Variants in KANK3 observed in about 807,000 individuals in gnomAD.
KANK3 encodes the protein KN motif and ankyrin repeat domains 3.
A neutral mutation model predicts 65.4 loss-of-function variants in KANK3; 61 were observed. The ratio of observed to expected loss-of-function variants is 0.93; its 90% CI spans 0.76 to 1.15. The LOEUF is 1.15. Ranked by LOEUF, KANK3 falls within the 50% of genes most tolerant of loss-of-function variation. KANK3 has a pLI of 0.00. For synonymous variants in KANK3, 586 were observed against 543.3 expected (o/e 1.08, Z -1.09); for missense variants, 1,187 against 1,178.8 (o/e 1.01, Z -0.10).
rs754203001 is a variant in KANK3 at position 8,334,759 on chromosome 19, C to A, written c.1068G>T (p.Glu356Asp). 4.6e-6 allele frequency: 7 copies of A among 1,508,598 alleles called. No homozygotes were observed. Among genetic ancestry groups the A allele is most frequent in the Middle Eastern group, 4.7e-4 (2 of 4,288 alleles). The allele number at this position is 1,508,598 out of a possible 1,614,324, so 93.5% of individuals were successfully genotyped here. The change falls in exon 3 of 11, where the codon GAG becomes GAT. Residue 356 changes from glutamate to aspartate, a missense_variant. By Grantham distance (45) the Glu-to-Asp change is conservative. This residue lies in a region of KANK3 where 1,078 missense variants were observed against 1,038.2 expected (regional missense o/e 1.04). Coordinates refer to ENST00000330915, the MANE Select transcript of KANK3 (RefSeq NM_198471.3). Reference sequence around the variant, plus strand: ...GGTGCTCCAGACTGGCGCGCAGCAGCTCTAGCTCGCGCTCGGCGGCCGCAG... The same window carrying A: ...GGTGCTCCAGACTGGCGCGCAGCAGATCTAGCTCGCGCTCGGCGGCCGCAG... Reference protein sequence around the residue: ...GLPAAAERELELLRASLEHQR... With the variant: ...GLPAAAERELDLLRASLEHQR...
intron 1 of KANK3, among the ~76,000 whole-genome samples, chr19:8,340,152 C>T (rs1970704945): frequency 6.6e-6 from 1 of 151,122 alleles, no homozygotes; most frequent in South Asian, 2.1e-4. Context: ...GTCCCAGCTA[C>T]TCAGGAGGCT....
At chr19:8,337,682 G>T in intron 2 of KANK3, 113 bp downstream of exon 2, 1 of 1,270,616 alleles carries the variant, frequency 7.9e-7, no homozygotes, top group South Asian at 1.2e-5. Context: ...GCAGGCTCAT[G>T]ACATTGGAGA....
intron 1 of KANK3, among the ~76,000 whole-genome samples, chr19:8,342,003 TA>T (rs1232930646): frequency 6.6e-6 from 1 of 152,136 alleles, no homozygotes; most frequent in African/African-American, 2.4e-5. Flanking sequence ...TGCTTTCTTT[TA>T]TTTTTATTTT....
Position 8,334,131 on chromosome 19 carries a change from G to A in KANK3, c.1428-15C>T. The A allele has an allele frequency of 2.8e-5, 42 of 1,503,124 alleles. No individual in the cohort carries two copies. The highest frequency in any genetic ancestry group is 3.6e-5 in the Non-Finnish European group (41 of 1,125,120). 93.1% of individuals were successfully genotyped at this position (1,503,124 alleles called of 1,614,324 possible). ...AGCTCTCGTACCTGGGGGCAGGGTG[G>A]GAGGTGTCTGCTAAACCTCCCCTGT... is the stretch of plus-strand genomic sequence containing the variant. On this transcript the variant is annotated splice_polypyrimidine_tract_variant and intron_variant, in intron 4 of 10. Coordinates refer to ENST00000330915, the MANE Select transcript of KANK3 (RefSeq NM_198471.3).
At position 8,335,573 on chromosome 19, in the gene KANK3, C is replaced by G; in HGVS notation, c.254G>C (p.Ser85Thr). The change falls in exon 3 of 11, where the codon AGC (serine) becomes ACC (threonine). Residue 85 changes from serine (S) to threonine (T), a missense_variant. Physicochemically the swap from Ser to Thr is moderately conservative, Grantham distance 58. Transcript: ENST00000330915. ...APRPGLAGAR[S>T]PGAWTSSESL... Reference sequence around the variant, plus strand: ...CTCGCTGGATGTCCAGGCGCCTGGGCTACGTGCGCCCGCGAGGCCGGGCCG... The same window carrying G: ...CTCGCTGGATGTCCAGGCGCCTGGGGTACGTGCGCCCGCGAGGCCGGGCCG... The G allele has an allele frequency of 8.2e-7, 1 of 1,219,944 alleles. No individual in the cohort carries two copies. Among genetic ancestry groups the G allele is most frequent in the African/African-American group, 1.6e-5 (1 of 63,392 alleles). 75.6% of individuals were successfully genotyped at this position (1,219,944 alleles called of 1,614,324 possible).
At chr19:8,338,894 A>G (rs1970685694) in intron 1 of KANK3, among the ~76,000 whole-genome samples, 1 of 150,138 alleles carries the variant, frequency 6.7e-6, no homozygotes, top group South Asian at 2.1e-4. Context: ...AAAAAAAAAA[A>G]AAAAAGGATG....
At chr19:8,323,927 C>T (rs1252400391) in intron 10 of KANK3, among the ~76,000 whole-genome samples, 3 of 152,172 alleles carry the variant, frequency 2.0e-5, no homozygotes, top group Middle Eastern at 3.2e-3. Flanking sequence ...CTCTGGACCC[C>T]CTTCCCCACC....
chr19:8,341,090 A>G (rs1970717982), intron 1 of KANK3, among the ~76,000 whole-genome samples: 1 of 152,134 alleles, frequency 6.6e-6, no homozygotes, highest in South Asian at 2.1e-4. Flanking sequence ...CCTAAGACCT[A>G]AACTAGCTGA....
intron 1 of KANK3, among the ~76,000 whole-genome samples, chr19:8,339,163 G>A (rs539622518): frequency 4.1e-4 from 62 of 152,166 alleles, no homozygotes; most frequent in African/African-American, 1.3e-3. Context: ...ATGACATGAT[G>A]GAGGCTGTAA....
rs1032444496 is a variant in KANK3 at position 8,335,390 on chromosome 19, G to A, written c.437C>T (p.Thr146Ile). The change falls in exon 3 of 11, where the codon ACA (threonine) becomes ATA (isoleucine). Residue 146 changes from threonine to isoleucine, a missense_variant. This residue lies in a region of KANK3 where 1,078 missense variants were observed against 1,038.2 expected (regional missense o/e 1.04). Coordinates refer to ENST00000330915, the MANE Select transcript of KANK3 (RefSeq NM_198471.3). ...GCCGGGGCTGGGCGCGCGCTCGTGT[G>A]TCTGCGCCAGCTCCAGCCGCCGGCT... ...ETSRRLELAQ[T>I]HERAPSPGRG... 2.5e-6 allele frequency: 3 copies of A among 1,200,326 alleles called. No homozygotes were observed. Among genetic ancestry groups the A allele is most frequent in the Admixed American group, 4.5e-5 (1 of 22,382 alleles). 74.4% of individuals were successfully genotyped at this position (1,200,326 alleles called of 1,614,324 possible). A position where few individuals can be genotyped will look rare whatever the true frequency, so the allele number is the denominator to read the frequency against.
intron 10 of KANK3, chr19:8,323,138 A>G (rs758781627): frequency 2.5e-6 from 1 of 404,902 alleles, no homozygotes; most frequent in South Asian, 6.0e-5. Context: ...TCAGTTTACA[A>G]TGGGTTACAT....
Position 8,324,440 on chromosome 19 carries a change from T to G in KANK3, c.2382+9A>C, listed in dbSNP as rs1350220757. The G allele has an allele frequency of 3.1e-6, 5 of 1,588,272 alleles. No individual in the cohort carries two copies. The highest frequency in any genetic ancestry group is 2.7e-5 in the African/African-American group (2 of 74,126). ...TGGGAAAGTTTGTTTCTTCCAGAGC[T>G]GTGCTCACCTGGGTGTCGGGCTGGC... On this transcript the variant is annotated intron_variant, in intron 10 of 10. Coordinates refer to ENST00000330915, the MANE Select transcript of KANK3 (RefSeq NM_198471.3).
In KANK3 at chr19:8,335,604, C is replaced by T; in HGVS notation, c.223G>A (p.Ala75Thr). The change falls in exon 3 of 11, where the codon GCG (alanine) becomes ACG (threonine). Residue 75 changes from alanine to threonine, a missense_variant. By Grantham distance (58) the Ala-to-Thr change is moderately conservative. This residue lies in a region of KANK3 where 104 missense variants were observed against 122.1 expected (regional missense o/e 0.85). Coordinates refer to ENST00000330915, the MANE Select transcript of KANK3 (RefSeq NM_198471.3). ...PGPPTSRRPR[A>T]PRPGLAGARS... is the part of the protein sequence containing the mutation. ...GCGCCCGCGAGGCCGGGCCGGGGCG[C>T]GCGGGGACGGCGCGAGGTCGGGGGT... is the stretch of plus-strand genomic sequence containing the variant. 8.1e-7 allele frequency: 1 copy of T among 1,233,376 alleles called. No individual in the cohort carries two copies. The highest frequency in any genetic ancestry group is 1.0e-6 in the Non-Finnish European group (1 of 984,194). The allele number at this position is 1,233,376 out of a possible 1,614,324, so 76.4% of individuals were successfully genotyped here.
chr19:8,333,691 C>G lies in KANK3; in HGVS notation c.1719+33G>C. The G allele has an allele frequency of 7.0e-7, 1 of 1,425,176 alleles. No individual in the cohort carries two copies. The highest frequency in any genetic ancestry group is 9.2e-7 in the Non-Finnish European group (1 of 1,088,244). The allele number at this position is 1,425,176 out of a possible 1,614,324, so 88.3% of individuals were successfully genotyped here. ...CAGAGGTCCTTGGAGGCTCCCACGC[C>G]ACTCCCTGGTGCTGCGCTCCCGGGG... is the stretch of plus-strand genomic sequence containing the variant. On this transcript the variant is annotated intron_variant, in intron 6 of 10. Coordinates refer to ENST00000330915, the MANE Select transcript of KANK3 (RefSeq NM_198471.3). The surrounding 1 kb of genome is among the most constrained non-coding windows in gnomAD (Gnocchi z 5.0).
rs374883316 is a variant in KANK3 at position 8,334,438 on chromosome 19, G to A, written c.1328-19C>T. On this transcript the variant is annotated intron_variant, in intron 3 of 10. Coordinates refer to ENST00000330915, the MANE Select transcript of KANK3 (RefSeq NM_198471.3). ...AGGATGCCTGGCGGGGATGAGATGA[G>A]GGCACTGAGTTCGAGTCCGGCGCCG... 14 of 1,613,102 alleles carry A rather than the reference G, an allele frequency of 8.7e-6. No individual in the cohort carries two copies. The highest frequency in any genetic ancestry group is 4.0e-5 in the African/African-American group (3 of 75,068).
Position 8,333,295 on chromosome 19 carries a change from T to G in KANK3, c.1720-65A>C, listed in dbSNP as rs180740475. 1.7e-3 allele frequency: 2,303 copies of G among 1,319,490 alleles called. 4 individuals carry two copies. Among genetic ancestry groups the G allele is most frequent in the Non-Finnish European group, 2.2e-3 (2,104 of 949,478 alleles). 81.7% of individuals were successfully genotyped at this position (1,319,490 alleles called of 1,614,324 possible). A position where few individuals can be genotyped will look rare whatever the true frequency, so the allele number is the denominator to read the frequency against. ...CACGGCGGCGCCGTGGTGGGGGAGC[T>G]GGGGAGGGGCGGGACTGGGAAGAGA... On this transcript the variant is annotated intron_variant, in intron 6 of 10. Transcript: ENST00000330915. This position sits in a 1 kb window ranked among gnomAD's most constrained non-coding sequence, Gnocchi z 5.0.
At chr19:8,340,291 T>TATATATATATATATACACACAC (rs1472181365) in intron 1 of KANK3, among the ~76,000 whole-genome samples, 16 of 92,866 alleles carry the variant, frequency 1.7e-4, no homozygotes, top group Non-Finnish European at 3.0e-4. Flanking sequence ...TATATATATA[T>TATATATATATATATACACACAC]ACACACACAC....
At chr19:8,324,254 AC>A (rs925130835) in intron 10 of KANK3, among the ~76,000 whole-genome samples, 194 bp downstream of exon 10, 1 of 152,066 alleles carries the variant, frequency 6.6e-6, no homozygotes, top group Non-Finnish European at 1.5e-5. Flanking sequence ...ACACCACTAC[AC>A]CCCAACCCGG....
intron 10 of KANK3, chr19:8,323,448 C>A (rs1375609021): frequency 6.5e-6 from 1 of 153,862 alleles, no homozygotes; most frequent in Admixed American, 6.5e-5. Flanking sequence ...CTGTTGTAAT[C>A]CCAGCTACTT....
Sources: allele counts gnomAD v4.1 joint callset (sites outside exome capture counted in the v4.1 genomes callset), GRCh38; gene constraint gnomAD v4.1.1; regional missense constraint gnomAD v4.1.1; non-coding constraint Gnocchi (gnomAD v3.1); transcripts MANE v1.5; gene names NCBI Gene and HGNC (gene_info 2026-07-23, HGNC 2026-07-21).